Variants in SF3B1 observed in about 807,000 individuals in gnomAD.
SF3B1 encodes splicing factor 3b subunit 1.
Under a neutral mutation model 153.8 loss-of-function variants are expected in SF3B1, and 12 were observed. The ratio of observed to expected loss-of-function variants is 0.08; its 90% CI spans 0.05 to 0.13. The LOEUF is 0.13. Ranked by LOEUF, SF3B1 falls within the 10% of genes least tolerant of loss-of-function variation. SF3B1 has a pLI of 1.00. For synonymous variants in SF3B1, 498 were observed against 525.2 expected (o/e 0.95, Z 0.71); for missense variants, 513 against 1,606.1 (o/e 0.32, Z 11.63).
chr2:197,418,743 T>C, intron 4 of SF3B1, 155 bp from the exon 5 acceptor site: 1 of 1,454,446 alleles, frequency 6.9e-7, no homozygotes, highest in South Asian at 1.5e-5. Context: ...ATCTTACTTT[T>C]TATTGAGTTT....
chr2:197,427,407 T>C (rs1014724376), intron 1 of SF3B1, among the ~76,000 whole-genome samples: 2 of 152,200 alleles, frequency 1.3e-5, no homozygotes, highest in South Asian at 2.1e-4. Flanking sequence ...ACATACACCA[T>C]GTGATCCATA....
At chr2:197,418,755 C>T (rs779042858) in intron 4 of SF3B1, 167 bp from the exon 5 acceptor site, 2 of 1,455,706 alleles carry the variant, frequency 1.4e-6, no homozygotes, top group Non-Finnish European at 1.8e-6. Flanking sequence ...ATTGAGTTTG[C>T]TGATCAATTT....
At chr2:197,425,870 A>C (rs2085327850) in intron 1 of SF3B1, among the ~76,000 whole-genome samples, 1 of 151,852 alleles carries the variant, frequency 6.6e-6, no homozygotes, top group South Asian at 2.1e-4. Context: ...TATGGTGGCA[A>C]ACCTATAGTC....
At chr2:197,395,944 ATT>A in intron 23 of SF3B1, 110 bp downstream of exon 23, 1 of 906,380 alleles carries the variant, frequency 1.1e-6, no homozygotes, top group Non-Finnish European at 1.7e-6. Flanking sequence ...CAGGCTAGCA[ATT>A]TTTTCTTTAA....
intron 6 of SF3B1, among the ~76,000 whole-genome samples, chr2:197,415,348 G>C (rs1464031258): frequency 6.6e-6 from 1 of 151,818 alleles, no homozygotes; most frequent in African/African-American, 2.4e-5. Flanking sequence ...CACCTCCCAG[G>C]TTCAAGTGAT....
intron 6 of SF3B1, among the ~76,000 whole-genome samples, chr2:197,414,265 G>GC (rs1281209424): frequency 2.6e-5 from 4 of 152,166 alleles, no homozygotes; most frequent in Non-Finnish European, 1.5e-5. Flanking sequence ...GAACAAATAC[G>GC]CAAGTCTGCG....
chr2:197,433,480 CACA>C (rs1456837209), intron 1 of SF3B1, among the ~76,000 whole-genome samples: 3 of 152,126 alleles, frequency 2.0e-5, no homozygotes, highest in Admixed American at 6.6e-5. Flanking sequence ...ACAAAAACAG[CACA>C]ACTTTATATT....
intron 1 of SF3B1, among the ~76,000 whole-genome samples, chr2:197,430,446 C>A (rs1445491570): frequency 6.6e-6 from 1 of 151,870 alleles, no homozygotes; most frequent in East Asian, 1.9e-4. Flanking sequence ...TTACTACTCA[C>A]GGTAGTTTTT....
At chr2:197,417,591 A>G (rs1245128329) in intron 5 of SF3B1, among the ~76,000 whole-genome samples, 2 of 150,904 alleles carry the variant, frequency 1.3e-5, no homozygotes, top group Non-Finnish European at 3.0e-5. Flanking sequence ...AAAAAAAAAA[A>G]AAAAGAAATA....
intron 9 of SF3B1, among the ~76,000 whole-genome samples, chr2:197,405,956 A>G (rs1441614796): frequency 1.3e-5 from 2 of 152,142 alleles, no homozygotes; most frequent in African/African-American, 4.8e-5. Flanking sequence ...TACAAAAATT[A>G]GTTAAATGCA....
Position 197,392,345 on chromosome 2 carries a change from A to G in SF3B1, c.3873T>C (p.Asp1291=). ...IAHYPRIYND[D]KNTYIRYELD... ...GTTCATAACGAATATAGGTGTTCTT[A>G]TCATCGTTGTAGATTCTTGGGTAAT... The change falls in exon 25 of 25, where the codon GAT becomes GAC. Residue 1291 remains aspartate, a synonymous_variant. Coordinates refer to ENST00000335508, the MANE Select transcript of SF3B1 (RefSeq NM_012433.4). The G allele has an allele frequency of 6.7e-7, 1 of 1,488,584 alleles. No individual in the cohort carries two copies. Among genetic ancestry groups the G allele is most frequent in the Non-Finnish European group, 9.4e-7 (1 of 1,066,084 alleles). 92.2% of individuals were successfully genotyped at this position (1,488,584 alleles called of 1,614,324 possible).
Position 197,400,626 on chromosome 2 carries a change from T to G in SF3B1, c.2718+89A>C. Reference sequence around the variant, plus strand: ...ATTTTAAAAATTACTTCAAATTCAATTGCATTCTAGAAAAATTTGCTTGAC... The same window carrying G: ...ATTTTAAAAATTACTTCAAATTCAAGTGCATTCTAGAAAAATTTGCTTGAC... On this transcript the variant is annotated intron_variant, in intron 18 of 24. Transcript: ENST00000335508. The surrounding 1 kb of genome is among the most constrained non-coding windows in gnomAD (Gnocchi z 5.0). 3 of 1,102,552 alleles carry G rather than the reference T, an allele frequency of 2.7e-6. No homozygotes were observed. The highest frequency in any genetic ancestry group is 3.9e-6 in the Non-Finnish European group (3 of 764,742). The allele number at this position is 1,102,552 out of a possible 1,614,324, so 68.3% of individuals were successfully genotyped here.
chr2:197,434,189 G>A (rs537194554), intron 1 of SF3B1, among the ~76,000 whole-genome samples: 1 of 152,264 alleles, frequency 6.6e-6, no homozygotes, highest in South Asian at 2.1e-4. Flanking sequence ...AACTTCTCAT[G>A]CCTCGTCTTT....
rs2105985323 is a variant in SF3B1 at position 197,402,065 on chromosome 2, C to A, written c.2143G>T (p.Ala715Ser). Residue 715 changes from alanine to serine, a missense_variant, in exon 15 of 25, where the codon GCA becomes TCA. Coordinates refer to ENST00000335508, the MANE Select transcript of SF3B1 (RefSeq NM_012433.4). This position sits in a 1 kb window ranked among gnomAD's most constrained non-coding sequence, Gnocchi z 4.6. ...SALAIAALAE[A>S]ATPYGIESFD... ...GATTCGATACCATAAGGAGTTGCTG[C>A]TTCAGCCAAGGCAGCAATGGCCAAA... is the stretch of plus-strand genomic sequence containing the variant. 1 of 1,613,676 alleles carries A rather than the reference C, an allele frequency of 6.2e-7. No individual in the cohort carries two copies. The highest frequency in any genetic ancestry group is 1.7e-5 in the Admixed American group (1 of 59,918).
Position 197,398,441 on chromosome 2 carries a change from T to C in SF3B1, c.3134+20A>G. On this transcript the variant is annotated intron_variant, in intron 21 of 24. Transcript: ENST00000335508. ...TGAAAATTGATACTGCTTATAAAAA[T>C]GTGTGGGTAATCTGCTTACCTGTCA... 3 of 1,610,378 alleles carry C rather than the reference T, an allele frequency of 1.9e-6. No individual in the cohort carries two copies. Among genetic ancestry groups the C allele is most frequent in the Non-Finnish European group, 2.5e-6 (3 of 1,179,028 alleles).
intron 9 of SF3B1, among the ~76,000 whole-genome samples, chr2:197,405,851 A>G (rs2084985118): frequency 1.3e-5 from 2 of 152,182 alleles, no homozygotes; most frequent in South Asian, 4.1e-4. Context: ...AAATGGAAAT[A>G]AGCTCATATG....
Position 197,421,014 on chromosome 2 carries a change from A to T in SF3B1, c.300+15T>A. On this transcript the variant is annotated intron_variant, in intron 3 of 24. Transcript: ENST00000335508. ...CTTTAGCTGAATAAACTATGCTTTTAAAATGAAAGATCACCTGTTCTGTTG... is the reference window on the plus strand; with the variant it reads ...CTTTAGCTGAATAAACTATGCTTTTTAAATGAAAGATCACCTGTTCTGTTG... 6.6e-7 allele frequency: 1 copy of T among 1,510,924 alleles called. No homozygotes were observed. Among genetic ancestry groups the T allele is most frequent in the Non-Finnish European group, 9.1e-7 (1 of 1,097,272 alleles). The allele number at this position is 1,510,924 out of a possible 1,614,324, so 93.6% of individuals were successfully genotyped here. A position where few individuals can be genotyped will look rare whatever the true frequency, so the allele number is the denominator to read the frequency against.
chr2:197,409,398 C>A (rs2085036797), intron 7 of SF3B1, among the ~76,000 whole-genome samples: 1 of 150,742 alleles, frequency 6.6e-6, no homozygotes, highest in Non-Finnish European at 1.5e-5. Context: ...AAAACTCCAT[C>A]TCAAAAAAAA....
chr2:197,416,912 C>T lies in SF3B1; in HGVS notation c.496-1G>A. 1 of 1,606,726 alleles carries T rather than the reference C, an allele frequency of 6.2e-7. No homozygotes were observed. The highest frequency in any genetic ancestry group is 8.5e-7 in the Non-Finnish European group (1 of 1,177,168). ...CTGCTAGCTGTTGCCTAATTTCTCG[C>T]TGAAAAAAACAGTGAGTATTTACCT... On this transcript the variant is annotated splice_acceptor_variant, in intron 5 of 24. Transcript: ENST00000335508. LOFTEE classifies it high-confidence loss of function.
Sources: gnomAD v4.1 joint callset for allele counts (sites outside exome capture counted in the v4.1 genomes callset) on GRCh38, gnomAD v4.1.1 for gene constraint, Gnocchi (gnomAD v3.1) non-coding constraint, MANE v1.5 for transcripts, NCBI Gene and HGNC (gene_info 2026-07-23, HGNC 2026-07-21) for gene names.